The following ADAMTSL1 variants were observed in gnomAD, a reference collection of about 807,000 sequenced individuals.
ADAMTSL1 encodes ADAMTS-like protein 1.
A neutral mutation model predicts 201.8 loss-of-function variants in ADAMTSL1; 126 were observed. That is an observed-to-expected ratio of 0.62 (90% confidence interval 0.54 to 0.72). The LOEUF (loss-of-function observed/expected upper bound fraction) is 0.72, where lower values mean the gene tolerates loss of function less well. ADAMTSL1 is among the 30% of genes least tolerant of loss of function. The probability of loss-of-function intolerance (pLI) is 0.00; values close to 1 mark genes in which losing one functional copy is unlikely to be tolerated. For missense variants in ADAMTSL1, 2,679 were observed against 2,277.8 expected, an observed-to-expected ratio of 1.18 and a Z score of -3.59; for synonymous variants, 1,121 against 903.4, an observed-to-expected ratio of 1.24 and a Z score of -4.32.
intron 16 of ADAMTSL1, among the ~76,000 whole-genome samples, chr9:18,754,741 T>C (rs960951880): frequency 2.6e-5 from 4 of 152,206 alleles, no homozygotes; most frequent in Admixed American, 2.0e-4. Flanking sequence ...TACTGATGAA[T>C]AAGCAAAACA....
chr9:17,917,564 T>C (rs1826144793), intron 1 of ADAMTSL1, among the ~76,000 whole-genome samples: 1 of 152,048 alleles, frequency 6.6e-6, no homozygotes, highest in African/African-American at 2.4e-5. Flanking sequence ...ATAATATTAT[T>C]TTTATATATT....
chr9:18,784,034 A>G (rs923295044), intron 19 of ADAMTSL1, among the ~76,000 whole-genome samples: 17 of 152,204 alleles, frequency 1.1e-4, no homozygotes, highest in Admixed American at 3.9e-4. Context: ...TTATCTCTCC[A>G]GCTTCATCTC....
At chr9:18,331,594 A>G (rs1835030701) in intron 2 of ADAMTSL1, among the ~76,000 whole-genome samples, 1 of 152,164 alleles carries the variant, frequency 6.6e-6, no homozygotes, top group South Asian at 2.1e-4. Flanking sequence ...TCCCTGTACT[A>G]ATTTTATCTC....
chr9:18,240,606 C>G (rs1831024716), intron 2 of ADAMTSL1, among the ~76,000 whole-genome samples: 1 of 152,124 alleles, frequency 6.6e-6, no homozygotes, highest in Non-Finnish European at 1.5e-5. Context: ...CTCCTATCTG[C>G]TACTGAAAGG....
At chr9:18,061,131 G>A (rs1563976354) in intron 1 of ADAMTSL1, among the ~76,000 whole-genome samples, 1 of 152,076 alleles carries the variant, frequency 6.6e-6, no homozygotes, top group Non-Finnish European at 1.5e-5. Context: ...AGGGGTTGGA[G>A]GGATAGAAAA....
At chr9:18,811,039 A>AAAAAAAC (rs1823475270) in intron 20 of ADAMTSL1, among the ~76,000 whole-genome samples, 1 of 149,132 alleles carries the variant, frequency 6.7e-6, no homozygotes, top group African/African-American at 2.5e-5. Context: ...AAAAAAACAA[A>AAAAAAAC]CACCAGCTAG....
At chr9:18,236,517 A>C (rs190377124) in intron 2 of ADAMTSL1, among the ~76,000 whole-genome samples, 160 of 152,348 alleles carry the variant, frequency 1.1e-3, no homozygotes, top group African/African-American at 3.7e-3. Context: ...CTGCAGTAGT[A>C]CATAAACCTG....
intron 1 of ADAMTSL1, among the ~76,000 whole-genome samples, chr9:18,158,605 A>G (rs980622697): frequency 6.6e-6 from 1 of 152,058 alleles, no homozygotes; most frequent in Non-Finnish European, 1.5e-5. Context: ...GGTAAACTCA[A>G]TTTATTACCA....
chr9:18,365,880 T>G (rs1452971927), intron 2 of ADAMTSL1, among the ~76,000 whole-genome samples: 1 of 152,158 alleles, frequency 6.6e-6, no homozygotes, highest in Non-Finnish European at 1.5e-5. Flanking sequence ...TACAGGAGTG[T>G]GAACCCTATT....
chr9:18,872,424 G>A (rs1377118070), intron 23 of ADAMTSL1, among the ~76,000 whole-genome samples: 1 of 151,984 alleles, frequency 6.6e-6, no homozygotes, highest in Non-Finnish European at 1.5e-5. Flanking sequence ...TGAGATTTTG[G>A]TGCACCCATC....
intron 1 of ADAMTSL1, among the ~76,000 whole-genome samples, chr9:18,067,301 TTTAC>T (rs1463774790): frequency 2.0e-5 from 3 of 152,142 alleles, no homozygotes; most frequent in South Asian, 4.1e-4. Flanking sequence ...CTTTATTTGT[TTTAC>T]TTACTTAAAG....
intron 1 of ADAMTSL1, among the ~76,000 whole-genome samples, chr9:18,005,131 C>G (rs1027510438): frequency 6.6e-6 from 1 of 152,058 alleles, no homozygotes; most frequent in Non-Finnish European, 1.5e-5. Context: ...GAGCACATAA[C>G]TGAGTTTATA....
rs1295594271 is a variant in ADAMTSL1 at position 18,411,519 on chromosome 9, T to C, written c.208-93310T>C. Among the ~76,000 whole-genome samples the C allele has an allele frequency of 2.0e-5, 3 of 152,156 alleles. No individual in the cohort carries two copies. In the East Asian group the frequency reaches 5.8e-4, roughly 29 times the overall value. ...TGGCCTGATGGGTAGATTTTCTATG[T>C]GAAACAGACCTTAAATTTTTTCAAT... On this transcript the variant is annotated intron_variant, in intron 2 of 29. Transcript: ENST00000680146.
chr9:18,523,524 T>C (rs1489211086), intron 2 of ADAMTSL1, among the ~76,000 whole-genome samples: 4 of 152,212 alleles, frequency 2.6e-5, no homozygotes, highest in African/African-American at 9.6e-5. Context: ...CCCATGCCTA[T>C]GTCCTGAATG....
chr9:18,164,281 T>C (rs1827536517), intron 2 of ADAMTSL1, among the ~76,000 whole-genome samples: 1 of 151,856 alleles, frequency 6.6e-6, no homozygotes, highest in Admixed American at 6.6e-5. Context: ...GAACATGAAA[T>C]GGTAATAATT....
chr9:18,698,586 T>A (rs1340572327), intron 13 of ADAMTSL1, among the ~76,000 whole-genome samples: 3 of 152,190 alleles, frequency 2.0e-5, no homozygotes, highest in African/African-American at 7.2e-5. Flanking sequence ...ATGCCTGGAC[T>A]GTGCCACTGC....
At chr9:18,215,411 A>G (rs1418144783) in intron 2 of ADAMTSL1, among the ~76,000 whole-genome samples, 2 of 152,232 alleles carry the variant, frequency 1.3e-5, no homozygotes, top group African/African-American at 4.8e-5. Context: ...TGAAGACAAG[A>G]AATATTGTAT....
intron 2 of ADAMTSL1, among the ~76,000 whole-genome samples, chr9:18,297,002 C>G (rs777785940): frequency 6.6e-6 from 1 of 152,186 alleles, no homozygotes; most frequent in Non-Finnish European, 1.5e-5. Context: ...CCACCTCCAC[C>G]AGGCTCTTCT....
intron 3 of ADAMTSL1, among the ~76,000 whole-genome samples, chr9:18,565,133 G>T (rs1443978634): frequency 6.6e-6 from 1 of 152,168 alleles, no homozygotes; most frequent in African/African-American, 2.4e-5. Context: ...CAAGGAAGGT[G>T]GGATTGATGA....
Sources: allele counts gnomAD v4.1 joint callset (sites outside exome capture counted in the v4.1 genomes callset), GRCh38; gene constraint gnomAD v4.1.1; transcripts MANE v1.5; gene names NCBI Gene and HGNC (gene_info 2026-07-23, HGNC 2026-07-21).